KCNN1: variants seen among roughly 807,000 people sequenced by gnomAD.
KCNN1 encodes potassium calcium-activated channel subfamily N member 1.
Under a neutral mutation model 44.7 loss-of-function variants are expected in KCNN1, and 20 were observed. That is an observed-to-expected ratio of 0.45 (90% CI 0.32 to 0.65). The LOEUF is 0.65. KCNN1 is among the 30% of genes least tolerant of loss of function. The pLI, the probability that KCNN1 is intolerant of heterozygous loss-of-function variation, is 0.05. For synonymous variants in KCNN1, 324 were observed against 341.7 expected (o/e 0.95, Z 0.57); for missense variants, 632 against 785.3 (o/e 0.80, Z 2.33).
upstream of KCNN1, among the ~76,000 whole-genome samples, chr19:17,963,805 G>C (rs1317803758): frequency 1.3e-5 from 2 of 150,920 alleles, no homozygotes; most frequent in Non-Finnish European, 2.9e-5. Flanking sequence ...AGCTCACTGT[G>C]GTCTCCACCT....
At chr19:17,980,061 TTTC>T (rs1394055940) in intron 3 of KCNN1, among the ~76,000 whole-genome samples, 16 of 124,802 alleles carry the variant, frequency 1.3e-4, no homozygotes, top group African/African-American at 4.0e-4. Flanking sequence ...TTTCTTTTTC[TTTC>T]TTTTTTTTTT....
chr19:17,967,473 G>T (rs1447157481), intron 1 of KCNN1, among the ~76,000 whole-genome samples, 156 bp downstream of exon 1: 1 of 152,152 alleles, frequency 6.6e-6, no homozygotes, highest in Non-Finnish European at 1.5e-5. Flanking sequence ...CACAGGAAAG[G>T]TGGGGGGAAT....
chr19:17,965,993 A>ATGCCTGCCTGCCTGCC (rs200975232), upstream of KCNN1, among the ~76,000 whole-genome samples: 3 of 144,740 alleles, frequency 2.1e-5, no homozygotes, highest in African/African-American at 7.8e-5. Flanking sequence ...TCCCTCATTC[A>ATGCCTGCCTGCCTGCC]TGCCTGCCTG....
intron 6 of KCNN1, 109 bp downstream of exon 6, chr19:17,988,634 AC>A: frequency 1.2e-6 from 1 of 817,730 alleles, no homozygotes; most frequent in Non-Finnish European, 2.0e-6. Flanking sequence ...CCCATGGGTT[AC>A]CATGCAGCCC....
At chr19:17,982,520 G>A in intron 4 of KCNN1, 1 of 984,328 alleles carries the variant, frequency 1.0e-6, no homozygotes, top group East Asian at 1.1e-4. Flanking sequence ...CATCTCCCAC[G>A]TTTAACCAGC....
chr19:17,959,888 G>A (rs1285697608), intron 2 of KCNN1, among the ~76,000 whole-genome samples: 2 of 151,748 alleles, frequency 1.3e-5, no homozygotes, highest in Non-Finnish European at 2.9e-5. Context: ...TTTGAGACCA[G>A]CCTGGCCATC....
intron 7 of KCNN1, among the ~76,000 whole-genome samples, chr19:17,991,489 G>T (rs911135952): frequency 6.6e-6 from 1 of 151,676 alleles, no homozygotes; most frequent in Non-Finnish European, 1.5e-5. Flanking sequence ...GCTCACGCCT[G>T]TAATCCCAGC....
rs1056916750 is a variant in KCNN1, at chr19:17,993,169, C to T, written c.1307+107C>T. 7.5e-7 allele frequency: 1 copy of T among 1,332,260 alleles called. No individual in the cohort carries two copies. Among genetic ancestry groups the T allele is most frequent in the African/African-American group, 1.4e-5 (1 of 69,418 alleles). The allele number at this position is 1,332,260 out of a possible 1,614,324, so 82.5% of individuals were successfully genotyped here. A position where few individuals can be genotyped will look rare whatever the true frequency, so the allele number is the denominator to read the frequency against. On this transcript the variant is annotated intron_variant, in intron 8 of 9. Coordinates refer to ENST00000684775, the MANE Select transcript of KCNN1 (RefSeq NM_001386974.1). This position sits in a 1 kb window ranked among gnomAD's most constrained non-coding sequence, Gnocchi z 4.5. Reference sequence around the variant, plus strand: ...TGCCAACCCCAGCCTCAGAGGCGGGCAGGGTTCACATCTGCCCCATGGATC... The same window carrying T: ...TGCCAACCCCAGCCTCAGAGGCGGGTAGGGTTCACATCTGCCCCATGGATC...
intron 2 of KCNN1, among the ~76,000 whole-genome samples, chr19:17,958,988 CCA>C (rs2031612826): frequency 6.8e-6 from 1 of 147,500 alleles, no homozygotes; most frequent in Non-Finnish European, 1.5e-5. Flanking sequence ...GCGTGAGCCA[CCA>C]CGTCCAGCCC....
chr19:17,966,334 C>G (rs12460943), upstream of KCNN1, among the ~76,000 whole-genome samples: 12,323 of 152,242 alleles, frequency 0.081, 652 homozygotes, highest in Admixed American at 0.13. Flanking sequence ...GGCAGTAAGA[C>G]TGGAAGAGGA....
Position 17,993,042 on chromosome 19 carries a change from C to G in KCNN1, c.1299-12C>G. ...CTTGTGATTTTTCTCCTGCTCTGCC[C>G]GGTCCTGCCAGGGCTCAGAAGTAAG... On this transcript the variant is annotated splice_polypyrimidine_tract_variant and intron_variant, in intron 7 of 9. Transcript: ENST00000684775. The surrounding 1 kb of genome is among the most constrained non-coding windows in gnomAD (Gnocchi z 4.5). The G allele has an allele frequency of 1.2e-6, 2 of 1,613,552 alleles. No homozygotes were observed. The highest frequency in any genetic ancestry group is 1.7e-6 in the Non-Finnish European group (2 of 1,179,718).
chr19:17,965,823 C>T (rs188891848), upstream of KCNN1, among the ~76,000 whole-genome samples: 1 of 152,234 alleles, frequency 6.6e-6, no homozygotes, highest in Admixed American at 6.5e-5. Context: ...TTGTCTCAGC[C>T]CTGGGCATTG....
chr19:17,962,326 C>A (rs1313838314), upstream of KCNN1, among the ~76,000 whole-genome samples: 1 of 152,188 alleles, frequency 6.6e-6, no homozygotes, highest in Non-Finnish European at 1.5e-5. Flanking sequence ...GAGAACACAG[C>A]AGGCAGCCCA....
intron 1 of KCNN1, among the ~76,000 whole-genome samples, chr19:17,971,466 A>G (rs2032021178): frequency 6.7e-6 from 1 of 150,192 alleles, no homozygotes; most frequent in Non-Finnish European, 1.5e-5. Flanking sequence ...TTGTATTATT[A>G]TTATTTTTTT....
chr19:17,987,490 G>A (rs968822543), intron 5 of KCNN1, among the ~76,000 whole-genome samples: 5 of 152,282 alleles, frequency 3.3e-5, no homozygotes, highest in East Asian at 1.9e-4. Context: ...TTGCAGAGCC[G>A]TTGTCCATTC....
intron 5 of KCNN1, among the ~76,000 whole-genome samples, chr19:17,986,625 T>C (rs1002599877): frequency 6.6e-6 from 1 of 152,186 alleles, no homozygotes; most frequent in Admixed American, 6.5e-5. Flanking sequence ...TCTCCAGACA[T>C]GTTTTATGCC....
rs71164333 is a variant in KCNN1 at position 17,970,289 on chromosome 19, A to ATTTTT, written c.-82+3013_-82+3017dup. 3.7e-4 allele frequency among the ~76,000 whole-genome samples: 21 copies of ATTTTT among 56,924 alleles called. 4 individuals carry two copies. The highest frequency in any genetic ancestry group is 8.3e-4 in the Admixed American group (3 of 3,604). 37.3% of individuals were successfully genotyped at this position (56,924 alleles called of 152,430 possible). ...AGGTCACCTGACCATAGAAGGAATGATTTTTTTTTTTTTTTTTTTTTTTTT... is the reference window on the plus strand; with the variant it reads ...AGGTCACCTGACCATAGAAGGAATGATTTTTTTTTTTTTTTTTTTTTTTTTTTTTT... On this transcript the variant is annotated intron_variant, in intron 1 of 9. Coordinates refer to ENST00000684775, the MANE Select transcript of KCNN1 (RefSeq NM_001386974.1).
intron 4 of KCNN1, among the ~76,000 whole-genome samples, chr19:17,984,032 G>A (rs964686823): frequency 1.3e-5 from 2 of 151,940 alleles, no homozygotes; most frequent in Admixed American, 6.6e-5. Flanking sequence ...GCATGGTGGC[G>A]GGCGCGTGTA....
At chr19:17,980,348 CT>C (rs2032363136) in intron 3 of KCNN1, among the ~76,000 whole-genome samples, 1 of 148,054 alleles carries the variant, frequency 6.8e-6, no homozygotes, top group African/African-American at 2.5e-5. Flanking sequence ...TCCCAAAGCA[CT>C]GGGATTACAG....
Sources: gnomAD v4.1 joint callset for allele counts (sites outside exome capture counted in the v4.1 genomes callset) on GRCh38, gnomAD v4.1.1 for gene constraint, Gnocchi (gnomAD v3.1) non-coding constraint, MANE v1.5 for transcripts, NCBI Gene and HGNC (gene_info 2026-07-23, HGNC 2026-07-21) for gene names.